The following BICD1 variants were observed in gnomAD, a reference collection of about 807,000 sequenced individuals.
The protein encoded by BICD1 is BICD cargo adaptor 1, also known as protein bicaudal D homolog 1.
BICD1 carries 35 observed loss-of-function variants against 92.5 expected under a neutral mutation model. The observed-to-expected ratio is 0.38, with a 90% CI of 0.29 to 0.50. BICD1 has a LOEUF of 0.50. BICD1 is among the 20% of genes least tolerant of loss of function. The pLI, the probability that BICD1 is intolerant of heterozygous loss-of-function variation, is 0.93. For missense variants in BICD1, 950 were observed against 1,189.8 expected, an observed-to-expected ratio of 0.80 and a Z score of 2.97; for synonymous variants, 429 against 465.1, an observed-to-expected ratio of 0.92 and a Z score of 1.00.
intron 1 of BICD1, among the ~76,000 whole-genome samples, chr12:32,110,350 T>C (rs1218530193): frequency 1.3e-5 from 2 of 152,224 alleles, no homozygotes; most frequent in Non-Finnish European, 2.9e-5. Flanking sequence ...TTTAGTGCTC[T>C]GCATGGACTA....
chr12:32,125,307 C>G (rs923070484), intron 1 of BICD1, among the ~76,000 whole-genome samples: 10 of 152,154 alleles, frequency 6.6e-5, no homozygotes, highest in African/African-American at 2.2e-4. Flanking sequence ...CCATACTAGA[C>G]TTGAATATTC....
At chr12:32,304,441 C>T (rs1948156115) in intron 3 of BICD1, among the ~76,000 whole-genome samples, 1 of 152,126 alleles carries the variant, frequency 6.6e-6, no homozygotes, top group African/African-American at 2.4e-5. Context: ...AGCAAATGCA[C>T]ATTGAACAGC....
At chr12:32,259,445 CA>C (rs1427153940) in intron 2 of BICD1, among the ~76,000 whole-genome samples, 1 of 152,192 alleles carries the variant, frequency 6.6e-6, no homozygotes, top group Non-Finnish European at 1.5e-5. Flanking sequence ...GTTATCCTAA[CA>C]GTGACACATG....
At chr12:32,286,522 A>C (rs1236018636) in intron 2 of BICD1, among the ~76,000 whole-genome samples, 2 of 152,206 alleles carry the variant, frequency 1.3e-5, no homozygotes, top group Non-Finnish European at 2.9e-5. Context: ...ACTATTTTTC[A>C]TTCTACAATT....
chr12:32,355,713 A>C (rs1939069094), intron 8 of BICD1, among the ~76,000 whole-genome samples: 1 of 152,038 alleles, frequency 6.6e-6, no homozygotes, highest in Admixed American at 6.6e-5. Context: ...GAGGCATAAG[A>C]ATCACTTGAA....
Position 32,313,649 on chromosome 12 carries a change from A to G in BICD1, c.1005+7527A>G, listed in dbSNP as rs1948432220. ...AATTATTTCCTAGTACAAAGCTGACAAATGGCTAAACTATTACAGATTTTA... is the reference window on the plus strand; with the variant it reads ...AATTATTTCCTAGTACAAAGCTGACGAATGGCTAAACTATTACAGATTTTA... On this transcript the variant is annotated intron_variant, in intron 4 of 9. Coordinates refer to ENST00000652176, the MANE Select transcript of BICD1 (RefSeq NM_001714.4). The surrounding 1 kb of genome is among the most constrained non-coding windows in gnomAD (Gnocchi z 4.2). Among the ~76,000 whole-genome samples the G allele has an allele frequency of 6.6e-6, 1 of 152,250 alleles. No individual in the cohort carries two copies. The highest frequency in any genetic ancestry group is 1.9e-4 in the East Asian group (1 of 5,202).
rs1259380041 is a variant in BICD1, at chr12:32,143,462, T to TG, written c.213+35918_213+35919insG. On this transcript the variant is annotated intron_variant, in intron 1 of 9. Transcript: ENST00000652176. ...CTTTTTCTTTCATTTAACATTTTTTTTTGTGTGTGTGTGAGATTCTCCAGG... is the reference window on the plus strand; with the variant it reads ...CTTTTTCTTTCATTTAACATTTTTTTGTTGTGTGTGTGTGAGATTCTCCAGG... Among the ~76,000 whole-genome samples the TG allele has an allele frequency of 3.9e-5, 6 of 152,306 alleles. No individual in the cohort carries two copies. In the East Asian group the frequency reaches 7.7e-4, roughly 20 times the overall value.
chr12:32,195,849 G>T (rs1260571421), intron 1 of BICD1, among the ~76,000 whole-genome samples: 1 of 152,118 alleles, frequency 6.6e-6, no homozygotes, highest in African/African-American at 2.4e-5. Context: ...ACAGCCTAAA[G>T]AATGGGACAA....
At chr12:32,307,312 A>C (rs769634728) in intron 4 of BICD1, among the ~76,000 whole-genome samples, 5 of 152,208 alleles carry the variant, frequency 3.3e-5, no homozygotes, top group Non-Finnish European at 5.9e-5. Flanking sequence ...TTAAACCTTA[A>C]ATTTTTAGCG....
At chr12:32,301,429 G>T (rs1340035894) in intron 3 of BICD1, among the ~76,000 whole-genome samples, 4 of 152,004 alleles carry the variant, frequency 2.6e-5, no homozygotes, top group Admixed American at 1.3e-4. Context: ...CAGGAGCAGT[G>T]AACTCAAATG....
intron 4 of BICD1, among the ~76,000 whole-genome samples, chr12:32,316,569 G>A (rs1008007702): frequency 7.2e-5 from 11 of 152,004 alleles, no homozygotes; most frequent in Admixed American, 5.9e-4. Flanking sequence ...CCAAAGTGCT[G>A]GAATTACAGG....
chr12:32,310,920 C>T (rs1291732815), intron 4 of BICD1, among the ~76,000 whole-genome samples: 2 of 152,162 alleles, frequency 1.3e-5, no homozygotes, highest in African/African-American at 2.4e-5. Flanking sequence ...TATACCCTTT[C>T]GGCCTTTTCT....
intron 2 of BICD1, among the ~76,000 whole-genome samples, chr12:32,220,807 C>T (rs1418150661): frequency 1.7e-4 from 22 of 125,928 alleles, no homozygotes; most frequent in Non-Finnish European, 3.3e-4. Context: ...ATGTTTATTG[C>T]GGCATTACTC....
At chr12:32,139,832 T>C (rs1393127093) in intron 1 of BICD1, among the ~76,000 whole-genome samples, 1 of 152,144 alleles carries the variant, frequency 6.6e-6, no homozygotes. Context: ...AGCGCTGAGA[T>C]TACAGGCGTG....
chr12:32,360,821 A>G (rs1242370214), intron 8 of BICD1, among the ~76,000 whole-genome samples: 1 of 152,230 alleles, frequency 6.6e-6, no homozygotes, highest in South Asian at 2.1e-4. Context: ...TATCGAGGTC[A>G]TGATTCTCAT....
In BICD1 at chr12:32,284,055, T is replaced by G. The variant is rs530495340; in HGVS notation, c.427-9939T>G. Among the ~76,000 whole-genome samples the G allele has an allele frequency of 7.3e-4, 111 of 152,358 alleles. 3 individuals are homozygous for G. The South Asian group carries it at 0.022, about 31-fold the overall frequency. ...CTTAACTACTGAAGATCAGGCCTTC[T>G]TGGCCCCAACACAGAAATCCCTGTG... On this transcript the variant is annotated intron_variant, in intron 2 of 9. Coordinates refer to ENST00000652176, the MANE Select transcript of BICD1 (RefSeq NM_001714.4).
intron 1 of BICD1, among the ~76,000 whole-genome samples, chr12:32,117,623 C>T (rs908159983): frequency 2.2e-4 from 33 of 151,412 alleles, no homozygotes; most frequent in African/African-American, 8.0e-4. Flanking sequence ...TCTTCTTTTT[C>T]ACACACACGG....
At chr12:32,121,331 G>A (rs1014160621) in intron 1 of BICD1, among the ~76,000 whole-genome samples, 1 of 151,930 alleles carries the variant, frequency 6.6e-6, no homozygotes, top group African/African-American at 2.4e-5. Flanking sequence ...GGTGGCTCAT[G>A]CCTGTAATCC....
At position 32,177,671 on chromosome 12, in the gene BICD1, A is replaced by G. The variant is rs114608648; in HGVS notation, c.214-38576A>G. Among the ~76,000 whole-genome samples the G allele has an allele frequency of 7.2e-3, 528 of 73,446 alleles. 4 individuals are homozygous for G. The highest frequency in any genetic ancestry group is 0.029 in the African/African-American group (498 of 17,402). The allele number at this position is 73,446 out of a possible 152,430, so 48.2% of individuals were successfully genotyped here. On this transcript the variant is annotated intron_variant, in intron 1 of 9. Transcript: ENST00000652176. ...GTTTACAAAAAAAGGAAACAGGGATAAAGAAAACACATTATTAAAGTTAAA... is the reference window on the plus strand; with the variant it reads ...GTTTACAAAAAAAGGAAACAGGGATGAAGAAAACACATTATTAAAGTTAAA...
Sources: gnomAD v4.1 joint callset for allele counts (sites outside exome capture counted in the v4.1 genomes callset) on GRCh38, gnomAD v4.1.1 for gene constraint, Gnocchi (gnomAD v3.1) non-coding constraint, MANE v1.5 for transcripts, NCBI Gene and HGNC (gene_info 2026-07-23, HGNC 2026-07-21) for gene names.